The following ZBTB20 variants were observed in gnomAD, a reference collection of about 807,000 sequenced individuals.
The protein encoded by ZBTB20 is zinc finger and BTB domain containing 20, also known as zinc finger and BTB domain-containing protein 20.
A neutral mutation model predicts 56.9 loss-of-function variants in ZBTB20; 9 were observed. The observed-to-expected ratio is 0.16, with a 90% confidence interval of 0.10 to 0.28. ZBTB20 has a LOEUF of 0.28. Among genes scored for constraint, ZBTB20 ranks in the 10% least tolerant of loss-of-function variants. ZBTB20 has a pLI of 1.00. For missense variants in ZBTB20, 655 were observed against 1,003.0 expected (o/e 0.65, Z 4.69); for synonymous variants, 417 against 420.7 (o/e 0.99, Z 0.11).
At chr3:114,778,630 A>G (rs1450451586) in intron 5 of ZBTB20, among the ~76,000 whole-genome samples, 2 of 152,218 alleles carry the variant, frequency 1.3e-5, no homozygotes, top group African/African-American at 2.4e-5. Flanking sequence ...AGATTATGGA[A>G]AGCTTAAAGA....
intron 6 of ZBTB20, among the ~76,000 whole-genome samples, chr3:114,655,208 G>T (rs867935753): frequency 7.6e-6 from 1 of 132,228 alleles, no homozygotes. Context: ...TTTCTTTTGG[G>T]TTTTTGTCAT....
chr3:114,561,940 T>A (rs1192633693), intron 6 of ZBTB20, among the ~76,000 whole-genome samples: 1 of 152,162 alleles, frequency 6.6e-6, no homozygotes. Flanking sequence ...GCCACCCTCA[T>A]CAATTATCTT....
At chr3:114,623,254 A>G (rs1276434914) in intron 6 of ZBTB20, among the ~76,000 whole-genome samples, 1 of 152,202 alleles carries the variant, frequency 6.6e-6, no homozygotes, top group African/African-American at 2.4e-5. Flanking sequence ...CATTTTGGCT[A>G]TGAAAGCTGG....
chr3:114,769,552 C>CGCAT (rs2069034587), intron 5 of ZBTB20, among the ~76,000 whole-genome samples: 1 of 116,774 alleles, frequency 8.6e-6, no homozygotes, highest in African/African-American at 4.5e-5. Context: ...TGCCAAAATG[C>CGCAT]ATATATATAT....
intron 4 of ZBTB20, among the ~76,000 whole-genome samples, chr3:114,887,123 C>T (rs534323943): frequency 5.3e-5 from 8 of 152,098 alleles, no homozygotes; most frequent in Non-Finnish European, 8.8e-5. Context: ...AGTCCCATTC[C>T]CATGATAACC....
In ZBTB20 at chr3:114,717,356, C is replaced by T. The variant is rs1238022857; in HGVS notation, c.-342-23781G>A. 2.0e-5 allele frequency among the ~76,000 whole-genome samples: 3 copies of T among 152,070 alleles called. No homozygotes were observed. In the East Asian group the frequency reaches 5.8e-4, roughly 29 times the overall value. ...CAATAAATAAGCAAACTGATAGCCA[C>T]AGAAAGGTTATTGAGGTTCACATTA... On this transcript the variant is annotated intron_variant, in intron 5 of 11. Coordinates refer to ENST00000675478, the MANE Select transcript of ZBTB20 (RefSeq NM_001348800.3).
At chr3:114,677,436 G>A (rs978486731) in intron 6 of ZBTB20, among the ~76,000 whole-genome samples, 4 of 152,108 alleles carry the variant, frequency 2.6e-5, no homozygotes, top group African/African-American at 9.7e-5. Context: ...ATCAGCAGCA[G>A]CATTAGATTC....
chr3:114,374,971 A>C (rs1317384607), intron 10 of ZBTB20, among the ~76,000 whole-genome samples: 1 of 152,218 alleles, frequency 6.6e-6, no homozygotes, highest in Non-Finnish European at 1.5e-5. Flanking sequence ...GAGACCTTCA[A>C]ACTTGCTTGA....
intron 2 of ZBTB20, among the ~76,000 whole-genome samples, chr3:115,002,442 A>G (rs1014787153): frequency 2.0e-5 from 3 of 151,642 alleles, no homozygotes; most frequent in Admixed American, 6.6e-5. Flanking sequence ...AATATTTGCT[A>G]AACACATTTC....
At position 114,614,841 on chromosome 3, in the gene ZBTB20, C is replaced by T. The variant is rs140761648; in HGVS notation, c.-295+78687G>A. On this transcript the variant is annotated intron_variant, in intron 6 of 11. Transcript: ENST00000675478. The stretch of plus-strand genomic sequence containing the variant: ...TGATCTCAGCTCACTGCAACCTCCA[C>T]CTCCCTCCCAGTTTCAAGCGATTCT... Among the ~76,000 whole-genome samples, 1,473 of 152,102 alleles carry T rather than the reference C, an allele frequency of 9.7e-3. 27 individuals are homozygous for T. Among genetic ancestry groups the T allele is most frequent in the African/African-American group, 0.032 (1,343 of 41,492 alleles).
intron 6 of ZBTB20, among the ~76,000 whole-genome samples, chr3:114,518,018 G>A (rs1043372191): frequency 7.2e-5 from 11 of 152,154 alleles, no homozygotes; most frequent in African/African-American, 2.4e-4. Context: ...CTCACAGTCC[G>A]TTCTTTATCA....
chr3:115,031,928 T>C (rs2080700869), intron 2 of ZBTB20, among the ~76,000 whole-genome samples: 1 of 151,448 alleles, frequency 6.6e-6, no homozygotes, highest in Non-Finnish European at 1.5e-5. Context: ...GGGCATGCTA[T>C]TCAACCCTGA....
rs1457018457 is a variant in ZBTB20, at chr3:114,324,826, C to T, written c.*14179G>A. ...GGAAAAATGATTTGTATTTGATCATCCTCAGGAATCCGTTTCTTCAGTTTG... is the reference window on the plus strand; with the variant it reads ...GGAAAAATGATTTGTATTTGATCATTCTCAGGAATCCGTTTCTTCAGTTTG... On this transcript the variant is annotated 3_prime_UTR_variant, in exon 12 of 12. Transcript: ENST00000675478. 6.6e-6 allele frequency: 1 copy of T among 152,098 alleles called. No homozygotes were observed. The highest frequency in any genetic ancestry group is 1.5e-5 in the Non-Finnish European group (1 of 68,010). 9.4% of individuals were successfully genotyped at this position (152,098 alleles called of 1,614,324 possible). A position where few individuals can be genotyped will look rare whatever the true frequency, so the allele number is the denominator to read the frequency against.
At chr3:115,130,464 T>A (rs959462657) in intron 1 of ZBTB20, among the ~76,000 whole-genome samples, 2 of 152,246 alleles carry the variant, frequency 1.3e-5, no homozygotes, top group African/African-American at 4.8e-5. Flanking sequence ...ACATACGCTC[T>A]AAGTTTTATC....
At chr3:114,566,079 C>T (rs1036525845) in intron 6 of ZBTB20, among the ~76,000 whole-genome samples, 4 of 149,820 alleles carry the variant, frequency 2.7e-5, no homozygotes, top group Non-Finnish European at 3.0e-5. Flanking sequence ...ACTTAGGATT[C>T]GTTTAGTCTG....
chr3:114,454,511 TAA>T (rs754894169), intron 7 of ZBTB20: 14 of 126,856 alleles, frequency 1.1e-4, no homozygotes, highest in Admixed American at 1.6e-4. Context: ...CTCGGTCTCC[TAA>T]AAAAAAAAAA....
chr3:114,652,155 T>C (rs1431745439), intron 6 of ZBTB20, among the ~76,000 whole-genome samples: 2 of 152,068 alleles, frequency 1.3e-5, no homozygotes, highest in Non-Finnish European at 2.9e-5. Context: ...TTTACCACCA[T>C]AACAGAGACA....
At chr3:114,616,826 CTCTT>C (rs2057977712) in intron 6 of ZBTB20, among the ~76,000 whole-genome samples, 1 of 152,176 alleles carries the variant, frequency 6.6e-6, no homozygotes, top group African/African-American at 2.4e-5. Context: ...CCAAAATCTA[CTCTT>C]CCTCCTCATA....
At chr3:114,416,528 G>A (rs889240250) in intron 7 of ZBTB20, among the ~76,000 whole-genome samples, 16 of 151,994 alleles carry the variant, frequency 1.1e-4, no homozygotes, top group Admixed American at 2.0e-4. Flanking sequence ...CTAGAAGCTG[G>A]CTAAGTATAG....
Sources: gnomAD v4.1 joint callset for allele counts (sites outside exome capture counted in the v4.1 genomes callset) on GRCh38, gnomAD v4.1.1 for gene constraint, MANE v1.5 for transcripts, NCBI Gene and HGNC (gene_info 2026-07-23, HGNC 2026-07-21) for gene names.